GANAB: variants seen among roughly 807,000 people sequenced by gnomAD.
GANAB encodes glucosidase II alpha subunit.
GANAB carries 35 observed loss-of-function variants against 129.9 expected under a neutral mutation model. That is an observed-to-expected ratio of 0.27 (90% confidence interval 0.21 to 0.36). The LOEUF is 0.36. Among genes scored for constraint, GANAB ranks in the 10% least tolerant of loss-of-function variants. GANAB has a pLI of 1.00. For missense variants in GANAB, 939 were observed against 1,221.0 expected (o/e 0.77, Z 3.44); for synonymous variants, 482 against 451.8 (o/e 1.07, Z -0.85).
At chr11:62,634,164 C>A in intron 5 of GANAB, 1 of 606,324 alleles carries the variant, frequency 1.6e-6, no homozygotes, top group Non-Finnish European at 3.0e-6. Context: ...GCCAGGGTAA[C>A]AGGTAACAGG....
intron 1 of GANAB, among the ~76,000 whole-genome samples, chr11:62,641,633 T>A (rs527617075): frequency 9.9e-5 from 15 of 152,058 alleles, no homozygotes; most frequent in Middle Eastern, 3.4e-3. Context: ...CTGGCTAGAG[T>A]GCCATGGCAT....
chr11:62,634,005 T>C, intron 5 of GANAB: 1 of 397,648 alleles, frequency 2.5e-6, no homozygotes, highest in Non-Finnish European at 4.5e-6. Context: ...CAAGTAGCTC[T>C]GCCCAGAACC....
Position 62,626,679 on chromosome 11 carries a change from A to G in GANAB, c.2403T>C (p.Pro801=). ...LYLPVTLSSI[P]VFQRGGTIVP... ...CGATTGTCCCTCCACGCTGGAACAC[A>G]GGGATCTAGGGCAAGAGCAATGCCA... Residue 801 remains proline, a synonymous_variant, in exon 21 of 24, where the codon CCT becomes CCC. Transcript: ENST00000356638. 1 of 1,594,392 alleles carries G rather than the reference A, an allele frequency of 6.3e-7. No homozygotes were observed. The highest frequency in any genetic ancestry group is 8.6e-7 in the Non-Finnish European group (1 of 1,166,526).
rs768662005 is a variant in GANAB, at chr11:62,646,585, C to T, written c.15G>A (p.Ala5=). 2 of 1,613,898 alleles carry T rather than the reference C, an allele frequency of 1.2e-6. No homozygotes were observed. Among genetic ancestry groups the T allele is most frequent in the Non-Finnish European group, 1.7e-6 (2 of 1,179,936 alleles). ...ACCGCCTCCTACGCGCCGCCACTGC[C>T]GCTACCGCCGCCATCTTGTGCAGAG... is the stretch of plus-strand genomic sequence containing the variant. MAAV[A]AVAARRRRSW... is the part of the protein sequence containing the mutation. The change falls in exon 1 of 24, where the codon GCG becomes GCA. Residue 5 remains alanine, a synonymous_variant. Coordinates refer to ENST00000356638, the MANE Select transcript of GANAB (RefSeq NM_198334.3).
chr11:62,634,641 G>T (rs1943852996), intron 5 of GANAB, 180 bp downstream of exon 5: 2 of 619,612 alleles, frequency 3.2e-6, no homozygotes, highest in African/African-American at 1.8e-5. Context: ...CTCCTGGTCT[G>T]TACAGGAAAT....
At chr11:62,635,140 C>T in intron 4 of GANAB, 140 bp from the exon 5 acceptor site, 1 of 551,652 alleles carries the variant, frequency 1.8e-6, no homozygotes, top group Non-Finnish European at 3.2e-6. Flanking sequence ...AGTTAATAAA[C>T]AGAACCAAAG....
intron 9 of GANAB, among the ~76,000 whole-genome samples, chr11:62,632,133 C>A (rs1943718384): frequency 6.6e-6 from 1 of 151,108 alleles, no homozygotes; most frequent in African/African-American, 2.4e-5. Context: ...GCCGCCACAC[C>A]CTGCTAATTT....
chr11:62,641,259 G>A (rs1179910273), intron 1 of GANAB, among the ~76,000 whole-genome samples: 1 of 148,414 alleles, frequency 6.7e-6, no homozygotes, highest in Non-Finnish European at 1.5e-5. Flanking sequence ...CATGAGAATC[G>A]CTTGAACCCG....
chr11:62,629,784 T>C, intron 14 of GANAB, 30 bp downstream of exon 14: 2 of 1,613,356 alleles, frequency 1.2e-6, no homozygotes, highest in Non-Finnish European at 1.7e-6. Context: ...TTTCCCTCTT[T>C]CCACCAACTC....
intron 9 of GANAB, 21 bp from the exon 10 acceptor site, chr11:62,631,204 G>C (rs1484357710): frequency 6.5e-7 from 1 of 1,529,248 alleles, no homozygotes; most frequent in South Asian, 1.3e-5. Context: ...GACCACAAAG[G>C]GGTCAGACAC....
At chr11:62,630,868 G>A (rs767649384) in intron 10 of GANAB, 32 bp from the exon 11 acceptor site, 49 of 1,567,506 alleles carry the variant, frequency 3.1e-5, no homozygotes, top group Non-Finnish European at 3.9e-5. Flanking sequence ...GGGTCACAAC[G>A]AGGATCAGGC....
intron 1 of GANAB, among the ~76,000 whole-genome samples, chr11:62,641,514 C>T (rs1484337319): frequency 1.3e-5 from 2 of 152,030 alleles, no homozygotes; most frequent in Non-Finnish European, 2.9e-5. Flanking sequence ...CTAAAATGTT[C>T]TGAGCCCTAA....
chr11:62,626,746 T>C lies in GANAB; in HGVS notation c.2398-62A>G, dbSNP rs188894265. The C allele has an allele frequency of 7.6e-4, 1,028 of 1,344,206 alleles. 5 individuals carry two copies. The African/African-American group carries it at 0.013, about 16-fold the overall frequency. The allele number at this position is 1,344,206 out of a possible 1,614,324, so 83.3% of individuals were successfully genotyped here. A position where few individuals can be genotyped will look rare whatever the true frequency, so the allele number is the denominator to read the frequency against. The stretch of plus-strand genomic sequence containing the variant: ...TTGTCCAACCTTGGGCCCCACAGCA[T>C]GTTTTGCTTACTCATGTATGCCCAC... On this transcript the variant is annotated intron_variant, in intron 20 of 23. Coordinates refer to ENST00000356638, the MANE Select transcript of GANAB (RefSeq NM_198334.3).
At chr11:62,646,117 G>C (rs1309860275) in intron 1 of GANAB, among the ~76,000 whole-genome samples, 1 of 152,218 alleles carries the variant, frequency 6.6e-6, no homozygotes, top group Non-Finnish European at 1.5e-5. Context: ...AGAGCCAGAA[G>C]GGTAGTACAG....
chr11:62,639,150 G>A (rs748507451), intron 3 of GANAB, 40 bp from the exon 4 acceptor site: 123 of 1,609,578 alleles, frequency 7.6e-5, no homozygotes, highest in Non-Finnish European at 1.0e-4. Flanking sequence ...AAGGAAATGG[G>A]ATACACCATG....
chr11:62,634,553 A>T, intron 5 of GANAB: 1 of 624,042 alleles, frequency 1.6e-6, no homozygotes, highest in Non-Finnish European at 2.8e-6. Context: ...ATGATGTGAG[A>T]AGGGGAAGAA....
intron 4 of GANAB, among the ~76,000 whole-genome samples, chr11:62,636,795 C>T (rs1348353380): frequency 6.6e-6 from 1 of 151,912 alleles, no homozygotes; most frequent in Non-Finnish European, 1.5e-5. Flanking sequence ...TAGTGGTGCA[C>T]GCCTGTAGTC....
intron 1 of GANAB, among the ~76,000 whole-genome samples, chr11:62,640,315 C>T (rs1394636347): frequency 3.6e-5 from 5 of 140,530 alleles, no homozygotes; most frequent in Non-Finnish European, 6.0e-5. Context: ...GGGCGGATCA[C>T]GAGGTCAGGA....
Position 62,629,293 on chromosome 11 carries a change from C to T in GANAB, c.1837G>A (p.Ala613Thr), listed in dbSNP as rs762699124. ...AFFAGSQRFG[A>T]VWTGDNTAEW... ...GCAGTGTTGTCCCCTGTCCACACGG[C>T]TCCTGAGGAAGACAAGAAGTGGGGA... The change falls in exon 16 of 24, where the codon GCC becomes ACC. Residue 613 changes from alanine (A) to threonine (T), a missense_variant and splice_region_variant. Ala to Thr is a moderately conservative substitution (Grantham distance 58). Coordinates refer to ENST00000356638, the MANE Select transcript of GANAB (RefSeq NM_198334.3). 1 of 1,605,480 alleles carries T rather than the reference C, an allele frequency of 6.2e-7. No homozygotes were observed. Among genetic ancestry groups the T allele is most frequent in the South Asian group, 1.1e-5 (1 of 90,910 alleles).
Sources: allele counts gnomAD v4.1 joint callset (sites outside exome capture counted in the v4.1 genomes callset), GRCh38; gene constraint gnomAD v4.1.1; transcripts MANE v1.5; gene names NCBI Gene and HGNC (gene_info 2026-07-23, HGNC 2026-07-21).